The following RMDN2 variants were observed in gnomAD, a reference collection of about 807,000 sequenced individuals.
The protein encoded by RMDN2 is regulator of microtubule dynamics 2.
In RMDN2, 61 loss-of-function variants were observed where a neutral mutation model predicts 52.8. The observed-to-expected ratio is 1.16, with a 90% CI of 0.94 to 1.43. The LOEUF (loss-of-function observed/expected upper bound fraction) is 1.43, where lower values mean the gene tolerates loss of function less well. RMDN2 is among the 40% of genes most tolerant of loss of function. The pLI is 0.00. For synonymous variants in RMDN2, 180 were observed against 153.1 expected (o/e 1.18, Z -1.30); for missense variants, 592 against 475.3 (o/e 1.25, Z -2.28).
At chr2:37,953,809 A>G (rs1669134580) in intron 2 of RMDN2, among the ~76,000 whole-genome samples, 2 of 152,090 alleles carry the variant, frequency 1.3e-5, no homozygotes. Flanking sequence ...CATTTGCACC[A>G]GGAGTGTAGA....
At chr2:38,031,414 C>T (rs912562944) in intron 10 of RMDN2, among the ~76,000 whole-genome samples, 2 of 152,000 alleles carry the variant, frequency 1.3e-5, no homozygotes, top group Non-Finnish European at 2.9e-5. Context: ...GCTGAAACTA[C>T]AGGTCCCTTT....
intron 2 of RMDN2, among the ~76,000 whole-genome samples, chr2:37,966,565 G>T (rs1671081325): frequency 6.6e-6 from 1 of 151,972 alleles, no homozygotes; most frequent in Admixed American, 6.5e-5. Flanking sequence ...TGCTTCATGA[G>T]GCCCCGTAGG....
chr2:38,019,150 G>A (rs1391613088), downstream of RMDN2, among the ~76,000 whole-genome samples: 2 of 152,194 alleles, frequency 1.3e-5, no homozygotes, highest in East Asian at 3.8e-4. Context: ...AACAGCTAAA[G>A]GAATGTGAAA....
At chr2:38,031,202 A>T (rs1442435064) in intron 10 of RMDN2, among the ~76,000 whole-genome samples, 2 of 150,940 alleles carry the variant, frequency 1.3e-5, no homozygotes, top group Admixed American at 1.3e-4. Flanking sequence ...TTATTTGCAC[A>T]TGATGTTGGC....
intron 4 of RMDN2, among the ~76,000 whole-genome samples, chr2:37,977,640 A>G (rs920526504): frequency 6.7e-6 from 1 of 150,080 alleles, no homozygotes; most frequent in Non-Finnish European, 1.5e-5. Flanking sequence ...CACCTCCCAG[A>G]CGGGGTGCCA....
intron 1 of RMDN2, among the ~76,000 whole-genome samples, chr2:37,926,100 A>C (rs989604077): frequency 6.6e-6 from 1 of 151,690 alleles, no homozygotes; most frequent in African/African-American, 2.4e-5. Flanking sequence ...TAGGAAACTT[A>C]AACCTCGGGC....
intron 2 of RMDN2, among the ~76,000 whole-genome samples, chr2:37,958,531 T>C (rs2125001864): frequency 6.6e-6 from 1 of 151,120 alleles, no homozygotes; most frequent in South Asian, 2.1e-4. Context: ...CTTAAGGAGT[T>C]TTGGGGCTGA....
chr2:37,995,415 A>G (rs1412830885), intron 7 of RMDN2, among the ~76,000 whole-genome samples: 1 of 152,072 alleles, frequency 6.6e-6, no homozygotes, highest in Non-Finnish European at 1.5e-5. Flanking sequence ...AGAGATAAAG[A>G]GTGTAACTAT....
intron 10 of RMDN2, chr2:38,012,611 C>G (rs201402600): frequency 2.1e-6 from 1 of 467,826 alleles, no homozygotes; most frequent in African/African-American, 2.0e-5. Context: ...AGTGATGTCT[C>G]CATTTGTATT....
At chr2:38,050,560 T>C (rs1449720501) in intron 10 of RMDN2, among the ~76,000 whole-genome samples, 1 of 152,112 alleles carries the variant, frequency 6.6e-6, no homozygotes, top group Non-Finnish European at 1.5e-5. Context: ...TTTTAGTTGG[T>C]CAGAAAAGCT....
chr2:37,948,599 G>C (rs943120617), intron 2 of RMDN2, among the ~76,000 whole-genome samples: 1 of 152,092 alleles, frequency 6.6e-6, no homozygotes, highest in Admixed American at 6.5e-5. Context: ...GTCTAATTTT[G>C]GTTCTCTTAA....
intron 10 of RMDN2, among the ~76,000 whole-genome samples, chr2:38,042,212 A>G (rs1680996289): frequency 6.6e-6 from 1 of 152,106 alleles, no homozygotes; most frequent in African/African-American, 2.4e-5. Flanking sequence ...CAGTTCATCT[A>G]AGTTATCAAA....
At chr2:37,938,219 C>G (rs1028603194) in intron 2 of RMDN2, among the ~76,000 whole-genome samples, 1 of 152,130 alleles carries the variant, frequency 6.6e-6, no homozygotes, top group Non-Finnish European at 1.5e-5. Flanking sequence ...GTATGTTGAA[C>G]CAGCCTTGCA....
intron 10 of RMDN2, among the ~76,000 whole-genome samples, chr2:38,046,687 A>C (rs936628153): frequency 6.6e-6 from 1 of 152,210 alleles, no homozygotes; most frequent in Non-Finnish European, 1.5e-5. Flanking sequence ...CTTCTCATTA[A>C]AAAAATAAGA....
intron 2 of RMDN2, among the ~76,000 whole-genome samples, chr2:37,941,646 C>A (rs903941782): frequency 2.0e-5 from 3 of 152,216 alleles, no homozygotes; most frequent in Non-Finnish European, 2.9e-5. Context: ...TGCAGTGCTG[C>A]GGTGGGCTCC....
At chr2:37,990,700 A>G (rs1674672212) in intron 6 of RMDN2, among the ~76,000 whole-genome samples, 1 of 152,112 alleles carries the variant, frequency 6.6e-6, no homozygotes, top group Non-Finnish European at 1.5e-5. Flanking sequence ...ACACACACAC[A>G]AAATGTAGTA....
At chr2:38,030,964 AAGAT>A (rs1680154492) in intron 10 of RMDN2, 1 of 152,214 alleles carries the variant, frequency 6.6e-6, no homozygotes, top group Non-Finnish European at 1.5e-5. Flanking sequence ...GCAGCTAAAA[AAGAT>A]AGACTTCTAA....
At chr2:38,066,438 A>T (rs142191932) in intron 10 of RMDN2, among the ~76,000 whole-genome samples, 1 of 152,160 alleles carries the variant, frequency 6.6e-6, no homozygotes, top group South Asian at 2.1e-4. Flanking sequence ...AATATATTTA[A>T]TTTTTTTCTT....
At chr2:37,963,973 G>T (rs1205070543) in intron 2 of RMDN2, among the ~76,000 whole-genome samples, 2 of 150,740 alleles carry the variant, frequency 1.3e-5, no homozygotes, top group Non-Finnish European at 3.0e-5. Flanking sequence ...GGACAGGGCG[G>T]CTGGCCGGGC....
Sources: gnomAD v4.1 joint callset for allele counts (sites outside exome capture counted in the v4.1 genomes callset) on GRCh38, gnomAD v4.1.1 for gene constraint, MANE v1.5 for transcripts, NCBI Gene and HGNC (gene_info 2026-07-23, HGNC 2026-07-21) for gene names.